LUZP2: variants seen among roughly 807,000 people sequenced by gnomAD.
The protein encoded by LUZP2 is leucine zipper protein 2.
In LUZP2, 52 loss-of-function variants were observed where a neutral mutation model predicts 51.6. The observed-to-expected ratio is 1.01, with a 90% confidence interval of 0.81 to 1.27. The LOEUF is 1.27. Among genes scored for constraint, LUZP2 ranks in the 50% most tolerant of loss-of-function variants. The pLI, the probability that LUZP2 is intolerant of heterozygous loss-of-function variation, is 0.00. For synonymous variants in LUZP2, 154 were observed against 137.3 expected (o/e 1.12, Z -0.85); for missense variants, 436 against 395.4 (o/e 1.10, Z -0.87).
At chr11:24,762,805 C>T (rs1377416527) in intron 4 of LUZP2, 1 of 156,868 alleles carries the variant, frequency 6.4e-6, no homozygotes, top group African/African-American at 2.4e-5. Context: ...TCTTAATGTC[C>T]CGTAGTTTTG....
chr11:25,066,256 G>A (rs1858995937), intron 10 of LUZP2, among the ~76,000 whole-genome samples: 1 of 151,750 alleles, frequency 6.6e-6, no homozygotes, highest in African/African-American at 2.4e-5. Context: ...CATTCACTGT[G>A]GCATTGTCCA....
intron 5 of LUZP2, among the ~76,000 whole-genome samples, chr11:24,887,122 A>G (rs1051271318): frequency 6.6e-6 from 1 of 152,046 alleles, no homozygotes; most frequent in Non-Finnish European, 1.5e-5. Context: ...TGCTGCTGGG[A>G]ACGCTATGGA....
chr11:24,531,469 A>G (rs1003973539), intron 1 of LUZP2, among the ~76,000 whole-genome samples: 1 of 150,922 alleles, frequency 6.6e-6, no homozygotes, highest in Non-Finnish European at 1.5e-5. Flanking sequence ...TTTTGAAAGT[A>G]TAAATAAATT....
In LUZP2 at chr11:25,082,579, T is replaced by A. The variant is rs1014047013; in HGVS notation, c.*3921T>A. On this transcript the variant is annotated 3_prime_UTR_variant, in exon 12 of 12. Coordinates refer to ENST00000336930, the MANE Select transcript of LUZP2 (RefSeq NM_001009909.4). ...GTGTTATATAATAACAGTCGAATGATGAAGAATAAAAGATGCTGAAAGATG... is the reference window on the plus strand; with the variant it reads ...GTGTTATATAATAACAGTCGAATGAAGAAGAATAAAAGATGCTGAAAGATG... The A allele has an allele frequency of 6.6e-6, 1 of 152,174 alleles. No individual in the cohort carries two copies. Among genetic ancestry groups the A allele is most frequent in the Non-Finnish European group, 1.5e-5 (1 of 68,016 alleles). The allele number at this position is 152,174 out of a possible 1,614,324, so 9.4% of individuals were successfully genotyped here. A position where few individuals can be genotyped will look rare whatever the true frequency, so the allele number is the denominator to read the frequency against.
chr11:24,840,048 A>G (rs1033035636), intron 5 of LUZP2, among the ~76,000 whole-genome samples: 2 of 151,764 alleles, frequency 1.3e-5, no homozygotes, highest in Non-Finnish European at 3.0e-5. Flanking sequence ...GGTAAATAAT[A>G]CAAAATTTTT....
intron 1 of LUZP2, among the ~76,000 whole-genome samples, chr11:24,650,727 T>C (rs986876078): frequency 1.3e-5 from 2 of 152,118 alleles, no homozygotes; most frequent in African/African-American, 4.8e-5. Flanking sequence ...TGTTTAACTA[T>C]TGAAGTAAAA....
chr11:24,777,037 C>A (rs1247215725), intron 5 of LUZP2, among the ~76,000 whole-genome samples: 1 of 151,382 alleles, frequency 6.6e-6, no homozygotes, highest in Non-Finnish European at 1.5e-5. Context: ...CTCCGTCGCC[C>A]AGGCTGGAGT....
intron 5 of LUZP2, among the ~76,000 whole-genome samples, chr11:24,895,125 C>T (rs6484081): frequency 6.6e-6 from 1 of 151,894 alleles, no homozygotes; most frequent in South Asian, 2.1e-4. Flanking sequence ...ACAGATTTTC[C>T]GTGGGGTGGC....
intron 9 of LUZP2, among the ~76,000 whole-genome samples, chr11:25,044,561 C>T (rs1858230997): frequency 6.6e-6 from 1 of 152,120 alleles, no homozygotes; most frequent in East Asian, 1.9e-4. Flanking sequence ...TGTGCTCACA[C>T]TCATGAAGAA....
intron 1 of LUZP2, among the ~76,000 whole-genome samples, chr11:24,606,997 G>A (rs1188473830): frequency 6.6e-6 from 1 of 151,852 alleles, no homozygotes; most frequent in East Asian, 1.9e-4. Flanking sequence ...TGGTTTTATA[G>A]TTGTTTTGCT....
intron 1 of LUZP2, among the ~76,000 whole-genome samples, chr11:24,666,547 T>C (rs1440064518): frequency 2.6e-5 from 4 of 152,046 alleles, no homozygotes; most frequent in Admixed American, 2.0e-4. Context: ...GAGATTCAAA[T>C]GTGAAGTCAA....
rs138759346 is a variant in LUZP2, at chr11:24,914,524, G to T, written c.508G>T (p.Asp170Tyr). Residue 170 changes from aspartate to tyrosine, a missense_variant, in exon 7 of 12, where the codon GAT becomes TAT. By Grantham distance (160) the Asp-to-Tyr change is radical. Coordinates refer to ENST00000336930, the MANE Select transcript of LUZP2 (RefSeq NM_001009909.4). Reference protein sequence around the residue: ...QLKELRYGKKDLLFKAQQLTD... With the variant: ...QLKELRYGKKYLLFKAQQLTD... ...GAAGGAGCTTCGTTATGGGAAGAAGGATTTATTATTTAAGGTGAGTCTCTT... is the reference window on the plus strand; with the variant it reads ...GAAGGAGCTTCGTTATGGGAAGAAGTATTTATTATTTAAGGTGAGTCTCTT... The T allele has an allele frequency of 4.4e-6, 7 of 1,607,758 alleles. No homozygotes were observed. The East Asian group carries it at 9.0e-5, about 21-fold the overall frequency.
At chr11:24,710,085 C>G (rs893094754) in intron 1 of LUZP2, among the ~76,000 whole-genome samples, 1 of 151,970 alleles carries the variant, frequency 6.6e-6, no homozygotes, top group Non-Finnish European at 1.5e-5. Flanking sequence ...GGAACCAGAC[C>G]CACTTAACAT....
chr11:25,023,336 T>C (rs1297897000), intron 9 of LUZP2, among the ~76,000 whole-genome samples: 1 of 152,158 alleles, frequency 6.6e-6, no homozygotes, highest in Non-Finnish European at 1.5e-5. Flanking sequence ...TATTGGTCTA[T>C]TCGGGGATTC....
intron 10 of LUZP2, among the ~76,000 whole-genome samples, chr11:25,068,235 A>G (rs1859051634): frequency 6.6e-6 from 1 of 152,016 alleles, no homozygotes; most frequent in African/African-American, 2.4e-5. Flanking sequence ...TTATGGGTGC[A>G]GCAAACCACA....
chr11:24,544,024 G>GA (rs1420668622), intron 1 of LUZP2, among the ~76,000 whole-genome samples: 2 of 152,034 alleles, frequency 1.3e-5, no homozygotes, highest in Non-Finnish European at 2.9e-5. Flanking sequence ...AGGTGTGATG[G>GA]AAAAAAAGCA....
intron 1 of LUZP2, among the ~76,000 whole-genome samples, chr11:24,720,323 A>C (rs1858215922): frequency 6.6e-6 from 1 of 152,212 alleles, no homozygotes; most frequent in African/African-American, 2.4e-5. Flanking sequence ...TATGAGAGAG[A>C]CATTTACAAA....
intron 9 of LUZP2, among the ~76,000 whole-genome samples, chr11:24,996,447 C>T (rs1211494103): frequency 6.6e-6 from 1 of 151,770 alleles, no homozygotes; most frequent in Non-Finnish European, 1.5e-5. Flanking sequence ...TATGAAACTT[C>T]TGGGGTTTCC....
intron 5 of LUZP2, among the ~76,000 whole-genome samples, chr11:24,812,265 A>G (rs1410675169): frequency 1.3e-5 from 2 of 152,198 alleles, no homozygotes; most frequent in East Asian, 1.9e-4. Flanking sequence ...ATGATGTTCA[A>G]TATCACCTTG....
Sources: allele counts gnomAD v4.1 joint callset (sites outside exome capture counted in the v4.1 genomes callset), GRCh38; gene constraint gnomAD v4.1.1; transcripts MANE v1.5; gene names NCBI Gene and HGNC (gene_info 2026-07-23, HGNC 2026-07-21).